MBNL1: variants seen among roughly 807,000 people sequenced by gnomAD.
The protein encoded by MBNL1 is muscleblind like splicing regulator 1.
In MBNL1, 8 loss-of-function variants were observed where a neutral mutation model predicts 42.2. The observed-to-expected ratio is 0.19, with a 90% confidence interval of 0.11 to 0.34. MBNL1 has a LOEUF of 0.34. Among genes scored for constraint, MBNL1 ranks in the 10% least tolerant of loss-of-function variants. MBNL1 has a pLI of 1.00. For synonymous variants in MBNL1, 169 were observed against 173.9 expected (o/e 0.97, Z 0.22); for missense variants, 309 against 495.3 (o/e 0.62, Z 3.57).
rs192084204 is a variant in MBNL1, at chr3:152,422,855, A to T, written c.345+7744A>T. Among the ~76,000 whole-genome samples the T allele has an allele frequency of 5.2e-4, 79 of 152,336 alleles. No homozygotes were observed. In the East Asian group the frequency reaches 7.9e-3, roughly 15 times the overall value. ...CCTGCTCCTGAATGACTACTAGGTA[A>T]ATAATGAAATTGAGGCAGAAATAAA... On this transcript the variant is annotated intron_variant, in intron 3 of 9. Coordinates refer to ENST00000324210, the MANE Select transcript of MBNL1 (RefSeq NM_021038.5).
intron 1 of MBNL1, among the ~76,000 whole-genome samples, chr3:152,284,864 TA>T (rs1237904049): frequency 6.6e-6 from 1 of 152,124 alleles, no homozygotes; most frequent in Non-Finnish European, 1.5e-5. Flanking sequence ...TGAATAAATT[TA>T]AAAAAATCAT....
At chr3:152,353,657 T>C (rs925328551) in intron 2 of MBNL1, among the ~76,000 whole-genome samples, 5 of 147,718 alleles carry the variant, frequency 3.4e-5, no homozygotes, top group Non-Finnish European at 5.9e-5. Flanking sequence ...AAGAAGAGTC[T>C]ATCTCAACAA....
chr3:152,296,359 G>GT (rs949648650), intron 1 of MBNL1, among the ~76,000 whole-genome samples: 1 of 152,182 alleles, frequency 6.6e-6, no homozygotes, highest in Non-Finnish European at 1.5e-5. Flanking sequence ...GTGGAGGCTT[G>GT]TGGAAGCTTA....
intron 2 of MBNL1, among the ~76,000 whole-genome samples, chr3:152,347,998 T>C (rs1390195899): frequency 5.3e-5 from 8 of 152,160 alleles, no homozygotes; most frequent in Non-Finnish European, 8.8e-5. Flanking sequence ...AATTTTAATC[T>C]ATTTAGAATA....
At chr3:152,419,078 G>A (rs2098754873) in intron 3 of MBNL1, among the ~76,000 whole-genome samples, 1 of 151,988 alleles carries the variant, frequency 6.6e-6, no homozygotes, top group African/African-American at 2.4e-5. Flanking sequence ...AGTAGAAAAT[G>A]AATGATTTAA....
intron 6 of MBNL1, among the ~76,000 whole-genome samples, chr3:152,452,388 A>G (rs1725070944): frequency 6.6e-6 from 1 of 152,200 alleles, no homozygotes; most frequent in South Asian, 2.1e-4. Context: ...ATCCAGGACT[A>G]CATGCCCCAG....
At chr3:152,349,998 A>G (rs976540116) in intron 2 of MBNL1, among the ~76,000 whole-genome samples, 1 of 152,122 alleles carries the variant, frequency 6.6e-6, no homozygotes, top group Non-Finnish European at 1.5e-5. Context: ...AAACATCTGA[A>G]ACCCTCTTAC....
At chr3:152,299,049 T>C (rs1173031348) in intron 1 of MBNL1, 1 of 152,620 alleles carries the variant, frequency 6.6e-6, no homozygotes, top group African/African-American at 2.4e-5. Flanking sequence ...TCACATCTGA[T>C]GGACATTTTC....
chr3:152,393,320 C>T (rs2097793254), intron 2 of MBNL1, among the ~76,000 whole-genome samples: 1 of 152,252 alleles, frequency 6.6e-6, no homozygotes, highest in Non-Finnish European at 1.5e-5. Flanking sequence ...CTTGCAGCTA[C>T]AGTCTATCTT....
intron 2 of MBNL1, among the ~76,000 whole-genome samples, chr3:152,257,753 A>C (rs2149469829): frequency 6.6e-6 from 1 of 152,340 alleles, no homozygotes; most frequent in African/African-American, 2.4e-5. Flanking sequence ...ATAAGCAAGA[A>C]GACAACTAAA....
At chr3:152,274,222 A>C (rs2043550216) in intron 1 of MBNL1, among the ~76,000 whole-genome samples, 1 of 104,076 alleles carries the variant, frequency 9.6e-6, no homozygotes, top group South Asian at 3.2e-4. Flanking sequence ...TTCTAGATTT[A>C]TGGGGACATT....
chr3:152,461,262 A>G (rs1272391922), intron 9 of MBNL1, among the ~76,000 whole-genome samples: 1 of 152,242 alleles, frequency 6.6e-6, no homozygotes, highest in African/African-American at 2.4e-5. Flanking sequence ...TGCCAAAGAT[A>G]TGCTGCAATC....
chr3:152,441,610 A>G (rs1412231049), intron 4 of MBNL1, among the ~76,000 whole-genome samples: 1 of 152,194 alleles, frequency 6.6e-6, no homozygotes, highest in African/African-American at 2.4e-5. Context: ...TTGATTATTT[A>G]AAGTTTATAA....
At chr3:152,459,217 T>C (rs1011159968) in intron 8 of MBNL1, 54 bp from the exon 9 acceptor site, 3 of 967,034 alleles carry the variant, frequency 3.1e-6, no homozygotes, top group Non-Finnish European at 3.1e-6. Flanking sequence ...TTTCATCTCT[T>C]AATTGTTGGC....
At chr3:152,372,475 G>T (rs1191784002) in intron 2 of MBNL1, among the ~76,000 whole-genome samples, 1 of 152,144 alleles carries the variant, frequency 6.6e-6, no homozygotes, top group Non-Finnish European at 1.5e-5. Context: ...TTTGGATGGG[G>T]TTTTTGTGTG....
At chr3:152,335,125 A>G in intron 2 of MBNL1, 1 of 1,288,846 alleles carries the variant, frequency 7.8e-7, no homozygotes, top group Non-Finnish European at 1.0e-6. Flanking sequence ...CACTCAGGAA[A>G]TGTTGTTTAA....
chr3:152,343,503 G>A (rs1007474258), intron 2 of MBNL1, among the ~76,000 whole-genome samples: 1 of 152,086 alleles, frequency 6.6e-6, no homozygotes, highest in African/African-American at 2.4e-5. Flanking sequence ...GGGAAATAGT[G>A]GGCACCCAAT....
rs977604831 is a variant in MBNL1 at position 152,405,537 on chromosome 3, C to G, written c.175-9404C>G. Reference sequence around the variant, plus strand: ...GGGAAGGAGAGATTTAAAGTTGGAGCATTTTTGCTTTGTAAATGTACTAGG... The same window carrying G: ...GGGAAGGAGAGATTTAAAGTTGGAGGATTTTTGCTTTGTAAATGTACTAGG... On this transcript the variant is annotated intron_variant, in intron 2 of 9. Coordinates refer to ENST00000324210, the MANE Select transcript of MBNL1 (RefSeq NM_021038.5). 3.3e-5 allele frequency among the ~76,000 whole-genome samples: 5 copies of G among 152,228 alleles called. No individual in the cohort carries two copies. In the South Asian group the frequency reaches 1.0e-3, roughly 32 times the overall value.
At chr3:152,426,373 A>G (rs1387499209) in intron 3 of MBNL1, among the ~76,000 whole-genome samples, 1 of 152,210 alleles carries the variant, frequency 6.6e-6, no homozygotes, top group Non-Finnish European at 1.5e-5. Flanking sequence ...AATAATCAAA[A>G]AAATAAAACT....
Sources: allele counts gnomAD v4.1 joint callset (sites outside exome capture counted in the v4.1 genomes callset), GRCh38; gene constraint gnomAD v4.1.1; transcripts MANE v1.5; gene names NCBI Gene and HGNC (gene_info 2026-07-23, HGNC 2026-07-21).